The following SFMBT2 variants were observed in gnomAD, a reference collection of about 807,000 sequenced individuals.
The protein encoded by SFMBT2 is scm-like with four MBT domains protein 2.
A neutral mutation model predicts 110.1 loss-of-function variants in SFMBT2; 38 were observed. That is an observed-to-expected ratio of 0.35 (90% CI 0.27 to 0.45). The LOEUF (loss-of-function observed/expected upper bound fraction) is 0.45, where lower values mean the gene tolerates loss of function less well. SFMBT2 is among the 20% of genes least tolerant of loss of function. The pLI is 1.00. For missense variants in SFMBT2, 1,011 were observed against 1,094.9 expected, an observed-to-expected ratio of 0.92 and a Z score of 1.08; for synonymous variants, 425 against 425.4, an observed-to-expected ratio of 1.00 and a Z score of 0.01.
chr10:7,278,732 C>G (rs1441562544), intron 6 of SFMBT2, among the ~76,000 whole-genome samples: 2 of 152,132 alleles, frequency 1.3e-5, no homozygotes, highest in Non-Finnish European at 1.5e-5. Flanking sequence ...GCTTGGGAAT[C>G]AGGACTAGTT....
rs148079146 is a variant in SFMBT2 at position 7,334,834 on chromosome 10, T to C, written c.436+32815A>G. Among the ~76,000 whole-genome samples the C allele has an allele frequency of 5.8e-3, 887 of 152,276 alleles. 6 individuals carry two copies. Among genetic ancestry groups the C allele is most frequent in the African/African-American group, 0.019 (809 of 41,550 alleles). On this transcript the variant is annotated intron_variant, in intron 4 of 20. Coordinates refer to ENST00000397167, the MANE Select transcript of SFMBT2 (RefSeq NM_001387889.1). ...CTCCCTACGGAGCTGAGGCCTGCAC[T>C]GCATCAGAGACAAGCGTGAAGTTCC... is the stretch of plus-strand genomic sequence containing the variant.
rs780328685 is a variant in SFMBT2, at chr10:7,285,956, TGGCAAGACAAA to T, written c.437-13_437-3del. 1 of 870,652 alleles carries T rather than the reference TGGCAAGACAAA, an allele frequency of 1.1e-6. No individual in the cohort carries two copies. The highest frequency in any genetic ancestry group is 1.6e-5 in the African/African-American group (1 of 61,250). The allele number at this position is 870,652 out of a possible 1,614,324, so 53.9% of individuals were successfully genotyped here. On this transcript the variant is annotated splice_region_variant and splice_polypyrimidine_tract_variant and intron_variant, in intron 4 of 20. Transcript: ENST00000397167. Reference sequence around the variant, plus strand: ...AGTCTGTGTACTTCTCTTTGATTGCTGGCAAGACAAAGGAGAAAGAAAAACAAAACAAAACA... The same window carrying T: ...AGTCTGTGTACTTCTCTTTGATTGCTGGAGAAAGAAAAACAAAACAAAACA...
rs34158255 is a variant in SFMBT2, at chr10:7,180,133, C to CT, written c.1809-3969dup. Among the ~76,000 whole-genome samples the CT allele has an allele frequency of 4.6e-5, 6 of 129,068 alleles. No individual in the cohort carries two copies. The South Asian group carries it at 1.7e-3, about 38-fold the overall frequency. 84.7% of individuals were successfully genotyped at this position (129,068 alleles called of 152,430 possible). On this transcript the variant is annotated intron_variant, in intron 16 of 20. Transcript: ENST00000397167. ...TTTTATTTAGGTTTGCTTTTTTTTGCTTTTTTTGAGACAGGGTCTCACTTA... is the reference window on the plus strand; with the variant it reads ...TTTTATTTAGGTTTGCTTTTTTTTGCTTTTTTTTGAGACAGGGTCTCACTTA...
rs938816473 is a variant in SFMBT2 at position 7,305,531 on chromosome 10, G to A, written c.437-19577C>T. ...GTAGTATTCAGCAAGCATTGAACAA[G>A]AAAATAAATTGCACCATTATGGTAG... On this transcript the variant is annotated intron_variant, in intron 4 of 20. Coordinates refer to ENST00000397167, the MANE Select transcript of SFMBT2 (RefSeq NM_001387889.1). Among the ~76,000 whole-genome samples, 21 of 152,282 alleles carry A rather than the reference G, an allele frequency of 1.4e-4. No individual in the cohort carries two copies. The Middle Eastern group carries it at 0.01, about 74-fold the overall frequency.
intron 7 of SFMBT2, among the ~76,000 whole-genome samples, chr10:7,253,132 C>T (rs1009076178): frequency 6.6e-6 from 1 of 152,168 alleles, no homozygotes; most frequent in African/African-American, 2.4e-5. Context: ...GGCCAGAAGC[C>T]CCTGTGCCTG....
intron 15 of SFMBT2, among the ~76,000 whole-genome samples, chr10:7,196,509 C>T (rs527604653): frequency 2.0e-5 from 3 of 152,242 alleles, no homozygotes; most frequent in Non-Finnish European, 4.4e-5. Flanking sequence ...GTTCCTGCCT[C>T]TCTCTCGGAC....
At chr10:7,297,951 G>A (rs997352747) in intron 4 of SFMBT2, among the ~76,000 whole-genome samples, 12 of 152,136 alleles carry the variant, frequency 7.9e-5, no homozygotes, top group Admixed American at 5.9e-4. Flanking sequence ...GGAGCACCAC[G>A]GGCTGATGCA....
At chr10:7,184,187 G>C (rs1838329167) in intron 16 of SFMBT2, among the ~76,000 whole-genome samples, 1 of 152,160 alleles carries the variant, frequency 6.6e-6, no homozygotes, top group Non-Finnish European at 1.5e-5. Context: ...TCCTTCAATA[G>C]CTGGTATGTT....
At chr10:7,292,264 A>G (rs938464415) in intron 4 of SFMBT2, 4 of 244,076 alleles carry the variant, frequency 1.6e-5, no homozygotes, top group Admixed American at 1.3e-4. Context: ...TGACTTTGCT[A>G]AAGAAAAAAG....
intron 4 of SFMBT2, among the ~76,000 whole-genome samples, chr10:7,289,862 G>A (rs1025287136): frequency 6.6e-6 from 1 of 152,154 alleles, no homozygotes; most frequent in African/African-American, 2.4e-5. Flanking sequence ...AAGTTGCCTT[G>A]CAAGTCCTTA....
chr10:7,163,570 C>T lies in SFMBT2; in HGVS notation c.*200G>A, dbSNP rs749866268. ...ATGCATGACTTTAACTGGCACTCCC[C>T]AGAAGCGACTGCTGCTGTGCTTTGA... On this transcript the variant is annotated 3_prime_UTR_variant, in exon 21 of 21. Transcript: ENST00000397167. The surrounding 1 kb of genome is among the most constrained non-coding windows in gnomAD (Gnocchi z 4.8). 17 of 567,354 alleles carry T rather than the reference C, an allele frequency of 3.0e-5. No homozygotes were observed. Among genetic ancestry groups the T allele is most frequent in the Non-Finnish European group, 3.7e-5 (12 of 321,908 alleles). 35.1% of individuals were successfully genotyped at this position (567,354 alleles called of 1,614,324 possible).
chr10:7,285,301 A>G (rs930105142), intron 5 of SFMBT2: 7 of 152,266 alleles, frequency 4.6e-5, no homozygotes, highest in African/African-American at 1.7e-4. Flanking sequence ...TTTCAGATTA[A>G]ACTATGTTTT....
intron 1 of SFMBT2, among the ~76,000 whole-genome samples, chr10:7,405,263 C>T (rs956725906): frequency 2.6e-5 from 4 of 152,216 alleles, no homozygotes; most frequent in African/African-American, 9.6e-5. Flanking sequence ...TGGTGGGGTA[C>T]ACTGTGCTAT....
intron 4 of SFMBT2, among the ~76,000 whole-genome samples, chr10:7,294,289 C>G (rs1442173443): frequency 6.6e-6 from 1 of 152,156 alleles, no homozygotes; most frequent in Non-Finnish European, 1.5e-5. Context: ...AGACGTAAAC[C>G]CTTGGTCCAT....
At chr10:7,377,359 C>T (rs1360798553) in intron 2 of SFMBT2, among the ~76,000 whole-genome samples, 1 of 152,138 alleles carries the variant, frequency 6.6e-6, no homozygotes. Flanking sequence ...GACAATTAGG[C>T]ACCGGTTTTG....
At position 7,357,078 on chromosome 10, in the gene SFMBT2, T is replaced by C. The variant is rs76575055; in HGVS notation, c.436+10571A>G. On this transcript the variant is annotated intron_variant, in intron 4 of 20. Coordinates refer to ENST00000397167, the MANE Select transcript of SFMBT2 (RefSeq NM_001387889.1). ...TGTTAAGGGCATCTATATTCAGAAA[T>C]ATCAACTGAACATTGTCTGTTAGGG... Among the ~76,000 whole-genome samples, 751 of 152,322 alleles carry C rather than the reference T, an allele frequency of 4.9e-3. 10 individuals carry two copies. Among genetic ancestry groups the C allele is most frequent in the African/African-American group, 0.017 (720 of 41,572 alleles).
intron 4 of SFMBT2, among the ~76,000 whole-genome samples, chr10:7,361,421 G>A (rs1225812211): frequency 1.3e-5 from 2 of 152,084 alleles, no homozygotes; most frequent in Non-Finnish European, 2.9e-5. Flanking sequence ...TGTCCCATGT[G>A]CCACCTGCCA....
intron 4 of SFMBT2, among the ~76,000 whole-genome samples, chr10:7,315,068 G>C (rs1334841557): frequency 7.0e-6 from 1 of 142,032 alleles, no homozygotes; most frequent in Non-Finnish European, 1.6e-5. Context: ...AAGAAAGAAA[G>C]AAAGAAAGAA....
intron 1 of SFMBT2, among the ~76,000 whole-genome samples, chr10:7,395,317 T>C (rs1845894450): frequency 6.6e-6 from 1 of 152,222 alleles, no homozygotes; most frequent in Non-Finnish European, 1.5e-5. Context: ...AAAAACGTCC[T>C]CCCTCAGAAT....
Sources: gnomAD v4.1 joint callset for allele counts (sites outside exome capture counted in the v4.1 genomes callset) on GRCh38, gnomAD v4.1.1 for gene constraint, Gnocchi (gnomAD v3.1) non-coding constraint, MANE v1.5 for transcripts, NCBI Gene and HGNC (gene_info 2026-07-23, HGNC 2026-07-21) for gene names.